KCNMA1: variants seen among roughly 807,000 people sequenced by gnomAD.
KCNMA1 encodes the protein Calcium-activated potassium channel subunit alpha-1.
KCNMA1 carries 29 observed loss-of-function variants against 140.0 expected under a neutral mutation model. The observed-to-expected ratio is 0.21, with a 90% CI of 0.15 to 0.28. The LOEUF is 0.28. Ranked by LOEUF, KCNMA1 falls within the 10% of genes least tolerant of loss-of-function variation. The pLI is 1.00. For synonymous variants in KCNMA1, 612 were observed against 611.9 expected (o/e 1.00, Z 0.00); for missense variants, 880 against 1,602.2 (o/e 0.55, Z 7.70).
intron 1 of KCNMA1, among the ~76,000 whole-genome samples, chr10:77,494,438 T>A (rs1180665641): frequency 6.6e-6 from 1 of 152,204 alleles, no homozygotes; most frequent in Non-Finnish European, 1.5e-5. Flanking sequence ...CACAGGGGTT[T>A]CTGCAGGGGC....
At chr10:76,878,129 T>C (rs116959407) in intron 29 of KCNMA1, among the ~76,000 whole-genome samples, 1,698 of 152,278 alleles carry the variant, frequency 0.011, 15 homozygotes, top group Non-Finnish European at 0.014. Flanking sequence ...ATAGGCACCA[T>C]GGGCGGACCT....
chr10:77,446,608 G>C (rs2097533755), intron 1 of KCNMA1, among the ~76,000 whole-genome samples: 1 of 152,220 alleles, frequency 6.6e-6, no homozygotes, highest in South Asian at 2.1e-4. Context: ...CAGATAATCT[G>C]CCCAGTTGCC....
At chr10:77,303,097 A>C (rs991401174) in intron 2 of KCNMA1, among the ~76,000 whole-genome samples, 3 of 152,200 alleles carry the variant, frequency 2.0e-5, no homozygotes, top group African/African-American at 7.2e-5. Context: ...TTTGAGGTGG[A>C]AATAATAATA....
At chr10:77,407,508 T>C (rs920098983) in intron 1 of KCNMA1, among the ~76,000 whole-genome samples, 1 of 152,226 alleles carries the variant, frequency 6.6e-6, no homozygotes, top group African/African-American at 2.4e-5. Flanking sequence ...GCTTAAACCT[T>C]ATAATACATC....
intron 2 of KCNMA1, among the ~76,000 whole-genome samples, chr10:77,256,828 A>G (rs901473951): frequency 1.3e-5 from 2 of 152,144 alleles, no homozygotes; most frequent in African/African-American, 4.8e-5. Context: ...TAATTTACAT[A>G]TAATAAAATC....
chr10:77,568,697 C>A (rs540900930), intron 1 of KCNMA1, among the ~76,000 whole-genome samples: 1 of 149,212 alleles, frequency 6.7e-6, no homozygotes, highest in African/African-American at 2.5e-5. Context: ...CCCTCTCTCA[C>A]CACTCCTATT....
intron 19 of KCNMA1, chr10:76,975,428 C>G (rs542557531): frequency 5.3e-5 from 8 of 152,140 alleles, no homozygotes; most frequent in Non-Finnish European, 7.3e-5. Context: ...TTTCCTTAAG[C>G]GATGATGGGA....
At chr10:77,614,334 A>G (rs1052802584) in intron 1 of KCNMA1, among the ~76,000 whole-genome samples, 1 of 152,140 alleles carries the variant, frequency 6.6e-6, no homozygotes, top group African/African-American at 2.4e-5. Flanking sequence ...GAAAGAAATG[A>G]AGAAGATGTA....
At chr10:77,033,834 A>G (rs569685684) in intron 15 of KCNMA1, among the ~76,000 whole-genome samples, 39 of 152,318 alleles carry the variant, frequency 2.6e-4, no homozygotes, top group African/African-American at 9.1e-4. Context: ...TGTAGTAGAA[A>G]TAACCACCAA....
intron 3 of KCNMA1, among the ~76,000 whole-genome samples, chr10:77,196,601 C>A (rs556300079): frequency 6.6e-5 from 10 of 152,228 alleles, no homozygotes; most frequent in African/African-American, 2.2e-4. Context: ...GGAAAAAGGA[C>A]TGTGGGAAGA....
intron 2 of KCNMA1, among the ~76,000 whole-genome samples, chr10:77,332,338 G>A (rs1401803108): frequency 6.6e-6 from 1 of 152,194 alleles, no homozygotes; most frequent in African/African-American, 2.4e-5. Flanking sequence ...CTGCCACTGA[G>A]TGACAATTCA....
At chr10:77,058,438 C>A (rs1424551773) in intron 14 of KCNMA1, among the ~76,000 whole-genome samples, 2 of 151,976 alleles carry the variant, frequency 1.3e-5, no homozygotes, top group Non-Finnish European at 2.9e-5. Context: ...GAACACTCTG[C>A]CCAACAATAG....
chr10:77,103,509 G>T (rs1467913484), intron 9 of KCNMA1, among the ~76,000 whole-genome samples: 1 of 152,180 alleles, frequency 6.6e-6, no homozygotes, highest in Non-Finnish European at 1.5e-5. Flanking sequence ...ATCTGCAAGG[G>T]TATAGAAGGC....
At chr10:77,580,616 C>G (rs1015614579) in intron 1 of KCNMA1, among the ~76,000 whole-genome samples, 4 of 152,174 alleles carry the variant, frequency 2.6e-5, no homozygotes, top group African/African-American at 9.7e-5. Context: ...GTAGGTGTCT[C>G]TGGATCCATG....
chr10:77,193,619 T>C (rs951600326), intron 3 of KCNMA1, among the ~76,000 whole-genome samples: 2 of 152,288 alleles, frequency 1.3e-5, no homozygotes, highest in East Asian at 3.9e-4. Context: ...ATGAGCCATG[T>C]ATAGGTATGG....
At chr10:76,963,427 A>G (rs2072522840) in intron 20 of KCNMA1, among the ~76,000 whole-genome samples, 1 of 152,224 alleles carries the variant, frequency 6.6e-6, no homozygotes, top group African/African-American at 2.4e-5. Flanking sequence ...AACCACCACT[A>G]TAAAGTTTTG....
At chr10:76,903,250 T>G (rs1009426490) in intron 25 of KCNMA1, 15 of 152,270 alleles carry the variant, frequency 9.9e-5, no homozygotes, top group African/African-American at 3.6e-4. Context: ...TGTCAAGCCT[T>G]TTAAACTAAT....
chr10:76,960,022 AC>A (rs2153048449), intron 20 of KCNMA1, among the ~76,000 whole-genome samples: 1 of 152,246 alleles, frequency 6.6e-6, no homozygotes, highest in South Asian at 2.1e-4. Flanking sequence ...CCCACCTCAT[AC>A]CCTCCCACTT....
intron 2 of KCNMA1, among the ~76,000 whole-genome samples, chr10:77,280,452 T>C (rs996245795): frequency 1.3e-5 from 2 of 152,380 alleles, no homozygotes; most frequent in Middle Eastern, 3.4e-3. Flanking sequence ...GTTTTGCCTC[T>C]GTTTCCACAT....
Sources: allele counts gnomAD v4.1 joint callset (sites outside exome capture counted in the v4.1 genomes callset), GRCh38; gene constraint gnomAD v4.1.1; transcripts MANE v1.5; gene names NCBI Gene and HGNC (gene_info 2026-07-23, HGNC 2026-07-21).